The following MMS22L variants were observed in gnomAD, a reference collection of about 807,000 sequenced individuals.
MMS22L encodes protein MMS22-like.
Under a neutral mutation model 159.1 loss-of-function variants are expected in MMS22L, and 74 were observed. That is an observed-to-expected ratio of 0.47 (90% CI 0.39 to 0.56). The LOEUF (loss-of-function observed/expected upper bound fraction) is 0.56, where lower values mean the gene tolerates loss of function less well. Among genes scored for constraint, MMS22L ranks in the 20% least tolerant of loss-of-function variants. MMS22L has a pLI of 0.00. For synonymous variants in MMS22L, 517 were observed against 506.9 expected, an observed-to-expected ratio of 1.02 and a Z score of -0.27; for missense variants, 1,351 against 1,422.1, an observed-to-expected ratio of 0.95 and a Z score of 0.80.
At chr6:97,150,052 T>TAAA in intron 23 of MMS22L, 32 bp from the exon 24 acceptor site, 1 of 1,588,448 alleles carries the variant, frequency 6.3e-7, no homozygotes, top group South Asian at 1.1e-5. Context: ...TTAGGATTAC[T>TAAA]CCTGGGGCAA....
intron 14 of MMS22L, among the ~76,000 whole-genome samples, chr6:97,213,041 T>C (rs915525705): frequency 6.6e-6 from 1 of 151,756 alleles, no homozygotes; most frequent in Non-Finnish European, 1.5e-5. Flanking sequence ...CATGAGCACA[T>C]TGTGTGTGTG....
chr6:97,249,413 A>C (rs939783145), intron 10 of MMS22L, among the ~76,000 whole-genome samples: 6 of 152,140 alleles, frequency 3.9e-5, no homozygotes, highest in Non-Finnish European at 7.4e-5. Flanking sequence ...TATCAAACCT[A>C]AGGTCGTTTT....
intron 14 of MMS22L, among the ~76,000 whole-genome samples, chr6:97,218,411 A>G (rs2127969921): frequency 6.6e-6 from 1 of 152,288 alleles, no homozygotes; most frequent in Admixed American, 6.5e-5. Context: ...AAATGGTGAA[A>G]AAGTGATGGT....
At chr6:97,282,127 ATACTT>A (rs1309031425) in intron 2 of MMS22L, among the ~76,000 whole-genome samples, 182 bp downstream of exon 2, 8 of 152,342 alleles carry the variant, frequency 5.3e-5, no homozygotes, top group African/African-American at 1.9e-4. Context: ...AATACCCCAA[ATACTT>A]TAGATATGCC....
chr6:97,282,892 AG>A (rs1816898061), intron 1 of MMS22L: 2 of 156,570 alleles, frequency 1.3e-5, no homozygotes, highest in Non-Finnish European at 2.8e-5. Context: ...TCCCAGCAGC[AG>A]GGTGGAGAAC....
At position 97,272,960 on chromosome 6, in the gene MMS22L, C is replaced by A; in HGVS notation, c.428+15G>T. 6.2e-7 allele frequency: 1 copy of A among 1,608,946 alleles called. No homozygotes were observed. Among genetic ancestry groups the A allele is most frequent in the Non-Finnish European group, 8.5e-7 (1 of 1,177,862 alleles). ...AAATTCATGCAGTGATCAAAATACTCATCTGATATCCTACCTGAAGATGAA... is the reference window on the plus strand; with the variant it reads ...AAATTCATGCAGTGATCAAAATACTAATCTGATATCCTACCTGAAGATGAA... On this transcript the variant is annotated intron_variant, in intron 5 of 24. Coordinates refer to ENST00000683635, the MANE Select transcript of MMS22L (RefSeq NM_001350599.2).
At chr6:97,224,325 T>C (rs1333319700) in intron 14 of MMS22L, among the ~76,000 whole-genome samples, 1 of 152,196 alleles carries the variant, frequency 6.6e-6, no homozygotes, top group African/African-American at 2.4e-5. Flanking sequence ...AGATACATCA[T>C]AACTCACAAT....
intron 24 of MMS22L, 26 bp downstream of exon 24, chr6:97,149,827 C>A (rs767015099): frequency 6.4e-7 from 1 of 1,551,396 alleles, no homozygotes; most frequent in South Asian, 1.2e-5. Flanking sequence ...CTGCCCCCCC[C>A]AATGTAATTA....
chr6:97,161,878 G>T, intron 22 of MMS22L, 124 bp downstream of exon 22: 1 of 852,136 alleles, frequency 1.2e-6, no homozygotes, highest in South Asian at 1.8e-5. Flanking sequence ...CTTTAACCAT[G>T]ACCCATATCA....
chr6:97,282,905 C>T (rs1473447857), intron 1 of MMS22L, 191 bp downstream of exon 1: 1 of 155,066 alleles, frequency 6.4e-6, no homozygotes, highest in Non-Finnish European at 1.4e-5. Context: ...GTGGAGAACG[C>T]TCCCTCCCCG....
intron 4 of MMS22L, among the ~76,000 whole-genome samples, chr6:97,278,372 C>T (rs1302387774): frequency 6.8e-6 from 1 of 146,488 alleles, no homozygotes; most frequent in Non-Finnish European, 1.5e-5. Flanking sequence ...CTTTGCACTC[C>T]AGCCTGGACA....
At chr6:97,246,363 C>T (rs1417144739) in intron 11 of MMS22L, among the ~76,000 whole-genome samples, 1 of 152,162 alleles carries the variant, frequency 6.6e-6, no homozygotes, top group East Asian at 1.9e-4. Flanking sequence ...CAAGGAATGG[C>T]ATACAGTTCT....
intron 17 of MMS22L, among the ~76,000 whole-genome samples, 161 bp downstream of exon 17, chr6:97,179,247 A>C (rs1200139964): frequency 1.3e-5 from 2 of 152,180 alleles, no homozygotes; most frequent in African/African-American, 4.8e-5. Context: ...CAAAACAAAA[A>C]AACGGAAACA....
chr6:97,168,045 C>T, intron 20 of MMS22L, 26 bp downstream of exon 20: 3 of 1,525,626 alleles, frequency 2.0e-6, no homozygotes, highest in Non-Finnish European at 1.8e-6. Context: ...TTTTTTTAAA[C>T]TTTTAAGCAA....
rs138124496 is a variant in MMS22L, at chr6:97,194,496, C to T, written c.2040-7806G>A. Among the ~76,000 whole-genome samples the T allele has an allele frequency of 3.4e-4, 52 of 152,224 alleles. No homozygotes were observed. The East Asian group carries it at 8.5e-3, about 25-fold the overall frequency. ...GAATTACATTAATAAAGGCCAAACA[C>T]TTAGAATAGATCTGGCATATATATT... On this transcript the variant is annotated intron_variant, in intron 14 of 24. Transcript: ENST00000683635.
intron 15 of MMS22L, among the ~76,000 whole-genome samples, chr6:97,183,912 A>C (rs955737597): frequency 1.3e-5 from 2 of 152,154 alleles, no homozygotes; most frequent in Admixed American, 6.6e-5. Context: ...AACAAAAACA[A>C]ACCTTCCTCT....
At chr6:97,221,298 A>G (rs913487793) in intron 14 of MMS22L, among the ~76,000 whole-genome samples, 1 of 152,096 alleles carries the variant, frequency 6.6e-6, no homozygotes, top group Admixed American at 6.6e-5. Context: ...ACTCGTATCT[A>G]TGTACCGGAT....
chr6:97,249,199 A>ATACTGTC (rs1812981257), intron 10 of MMS22L, among the ~76,000 whole-genome samples: 2 of 152,160 alleles, frequency 1.3e-5, no homozygotes, highest in South Asian at 4.1e-4. Context: ...CCCGTTTTGC[A>ATACTGTC]ACACTCCCTG....
At chr6:97,236,784 T>C (rs1159464512) in intron 11 of MMS22L, among the ~76,000 whole-genome samples, 1 of 152,060 alleles carries the variant, frequency 6.6e-6, no homozygotes, top group East Asian at 1.9e-4. Context: ...ACCCCGTCTC[T>C]ACTAAAAATA....
Sources: gnomAD v4.1 joint callset for allele counts (sites outside exome capture counted in the v4.1 genomes callset) on GRCh38, gnomAD v4.1.1 for gene constraint, MANE v1.5 for transcripts, NCBI Gene and HGNC (gene_info 2026-07-23, HGNC 2026-07-21) for gene names.